The following UNC13B variants were observed in gnomAD, a reference collection of about 807,000 sequenced individuals.
The protein encoded by UNC13B is protein unc-13 homolog B.
In UNC13B, 144 loss-of-function variants were observed where a neutral mutation model predicts 211.0. The ratio of observed to expected loss-of-function variants is 0.68; its 90% CI spans 0.60 to 0.78. UNC13B has a LOEUF of 0.78. Ranked by LOEUF, UNC13B falls within the 30% of genes least tolerant of loss-of-function variation. The pLI is 0.00. For synonymous variants in UNC13B, 709 were observed against 725.8 expected (o/e 0.98, Z 0.37); for missense variants, 1,777 against 2,002.0 (o/e 0.89, Z 2.14).
At position 35,306,760 on chromosome 9, in the gene UNC13B, C is replaced by T. The variant is rs568089960; in HGVS notation, c.7356C>T (p.Gly2452=). 2.5e-6 allele frequency: 1 copy of T among 399,024 alleles called. No individual in the cohort carries two copies. Among genetic ancestry groups the T allele is most frequent in the South Asian group, 1.3e-4 (1 of 7,848 alleles). 24.7% of individuals were successfully genotyped at this position (399,024 alleles called of 1,614,324 possible). A position where few individuals can be genotyped will look rare whatever the true frequency, so the allele number is the denominator to read the frequency against. ...AAGAGGAAGACAAATTTGCATTAGG[C>T]TCTTCAGTAGACATGCTTTCAGGGT... ...ADKEEDKFAL[G]SSVDMLSGFV... The change falls in exon 9 of 40, where the codon GGC becomes GGT. Residue 2452 remains glycine (G), a synonymous_variant. Coordinates refer to ENST00000635942, the MANE Select transcript of UNC13B (RefSeq NM_001371189.2).
chr9:35,348,980 C>T (rs1426945303), intron 11 of UNC13B, among the ~76,000 whole-genome samples: 2 of 151,928 alleles, frequency 1.3e-5, no homozygotes, highest in Non-Finnish European at 2.9e-5. Context: ...TGCAGTGGTG[C>T]GATCTTGGCT....
At chr9:35,397,844 A>G in intron 30 of UNC13B, 132 bp downstream of exon 30, 2 of 905,812 alleles carry the variant, frequency 2.2e-6, no homozygotes, top group Non-Finnish European at 3.4e-6. Flanking sequence ...GCTTTGCTTC[A>G]GATCCATGCC....
chr9:35,187,967 C>T (rs1366315821), intron 1 of UNC13B, among the ~76,000 whole-genome samples: 1 of 152,150 alleles, frequency 6.6e-6, no homozygotes, highest in Non-Finnish European at 1.5e-5. Flanking sequence ...AAACATACTC[C>T]AAATTTTGTT....
intron 7 of UNC13B, among the ~76,000 whole-genome samples, chr9:35,281,079 C>G (rs1450182221): frequency 2.0e-5 from 3 of 152,020 alleles, no homozygotes; most frequent in African/African-American, 7.3e-5. Context: ...GAAACCCTGT[C>G]TCTACTAAAA....
At chr9:35,322,013 GT>G (rs1203926725) in intron 11 of UNC13B, among the ~76,000 whole-genome samples, 7 of 152,118 alleles carry the variant, frequency 4.6e-5, no homozygotes, top group Non-Finnish European at 8.8e-5. Context: ...TATCTCATAA[GT>G]TTATAGGTCA....
At chr9:35,315,429 C>T (rs927552427) in intron 11 of UNC13B, among the ~76,000 whole-genome samples, 2 of 152,170 alleles carry the variant, frequency 1.3e-5, no homozygotes, top group African/African-American at 4.8e-5. Flanking sequence ...TAAAGAACTA[C>T]TATGTCTCCT....
At chr9:35,233,556 C>G (rs546304962) in intron 3 of UNC13B, among the ~76,000 whole-genome samples, 8 of 152,260 alleles carry the variant, frequency 5.3e-5, no homozygotes, top group African/African-American at 1.7e-4. Flanking sequence ...AGAACTTAGT[C>G]TACTACCCTG....
intron 11 of UNC13B, chr9:35,352,197 A>G (rs1832758401): frequency 6.5e-6 from 8 of 1,232,192 alleles, no homozygotes; most frequent in South Asian, 4.1e-5. Flanking sequence ...CTGTATTTGT[A>G]CGGACTTCCT....
At chr9:35,276,471 T>C (rs1458725433) in intron 7 of UNC13B, among the ~76,000 whole-genome samples, 1 of 152,214 alleles carries the variant, frequency 6.6e-6, no homozygotes, top group Non-Finnish European at 1.5e-5. Flanking sequence ...CATTTATTCC[T>C]GGGTCAAGAA....
At chr9:35,377,423 C>T in intron 15 of UNC13B, 45 bp from the exon 16 acceptor site, 1 of 1,600,150 alleles carries the variant, frequency 6.2e-7, no homozygotes, top group South Asian at 1.1e-5. Flanking sequence ...CTCAGCTCAA[C>T]CCTTGGTCTG....
chr9:35,374,676 G>T (rs1834281722), intron 13 of UNC13B, among the ~76,000 whole-genome samples: 1 of 152,242 alleles, frequency 6.6e-6, no homozygotes. Flanking sequence ...GCTTGGGGAG[G>T]TGCCAAGGTA....
intron 1 of UNC13B, among the ~76,000 whole-genome samples, chr9:35,181,805 C>G (rs2131300705): frequency 6.6e-6 from 1 of 152,274 alleles, no homozygotes; most frequent in South Asian, 2.1e-4. Context: ...CACTGCACTT[C>G]AGCGTGGGTG....
intron 31 of UNC13B, 70 bp downstream of exon 31, chr9:35,398,358 C>T: frequency 6.5e-7 from 1 of 1,532,468 alleles, no homozygotes; most frequent in South Asian, 1.2e-5. Context: ...TAGAACTCCA[C>T]CCTCTCTTAA....
chr9:35,376,556 C>G (rs377333407), intron 15 of UNC13B, among the ~76,000 whole-genome samples: 1 of 152,174 alleles, frequency 6.6e-6, no homozygotes, highest in East Asian at 1.9e-4. Context: ...AGCACAGCGG[C>G]CTTATTGTCC....
At chr9:35,367,112 G>C (rs1043929349) in intron 12 of UNC13B, 119 bp downstream of exon 12, 21 of 1,023,688 alleles carry the variant, frequency 2.1e-5, no homozygotes, top group Middle Eastern at 2.8e-4. Context: ...GAAGGAAAAG[G>C]TTCCACTATA....
intron 11 of UNC13B, chr9:35,342,162 C>T (rs1016331544): frequency 1.3e-5 from 13 of 985,324 alleles, no homozygotes; most frequent in South Asian, 4.7e-5. Flanking sequence ...GTCTGTTTGT[C>T]GGTTGGGCAA....
intron 1 of UNC13B, among the ~76,000 whole-genome samples, chr9:35,203,505 T>C (rs1030557211): frequency 1.3e-5 from 2 of 152,218 alleles, no homozygotes; most frequent in Non-Finnish European, 2.9e-5. Flanking sequence ...TTCTGGCTTG[T>C]AGAGTTTCTG....
intron 9 of UNC13B, 77 bp from the exon 10 acceptor site, chr9:35,310,390 T>G: frequency 1.4e-6 from 2 of 1,462,446 alleles, no homozygotes; most frequent in Middle Eastern, 1.8e-4. Context: ...AGTCATTATT[T>G]CCTGGATGTC....
intron 7 of UNC13B, among the ~76,000 whole-genome samples, chr9:35,289,567 G>A (rs1410113510): frequency 6.6e-6 from 1 of 152,168 alleles, no homozygotes; most frequent in African/African-American, 2.4e-5. Flanking sequence ...GTAACCCAGT[G>A]ACACTTGTGT....
Sources: gnomAD v4.1 joint callset for allele counts (sites outside exome capture counted in the v4.1 genomes callset) on GRCh38, gnomAD v4.1.1 for gene constraint, MANE v1.5 for transcripts, NCBI Gene and HGNC (gene_info 2026-07-23, HGNC 2026-07-21) for gene names.